Variants in PLCL2 observed in about 807,000 individuals in gnomAD.
PLCL2 encodes phospholipase C like 2.
Under a neutral mutation model 79.6 loss-of-function variants are expected in PLCL2, and 4 were observed. The observed-to-expected ratio is 0.05, with a 90% CI of 0.02 to 0.11. PLCL2 has a LOEUF of 0.11. PLCL2 is among the 10% of genes least tolerant of loss of function. The probability of loss-of-function intolerance (pLI) is 1.00; values close to 1 mark genes in which losing one functional copy is unlikely to be tolerated. For synonymous variants in PLCL2, 484 were observed against 457.7 expected, an observed-to-expected ratio of 1.06 and a Z score of -0.73; for missense variants, 895 against 1,291.0, an observed-to-expected ratio of 0.69 and a Z score of 4.70.
chr3:16,994,707 G>A (rs1434367668), intron 1 of PLCL2, among the ~76,000 whole-genome samples: 2 of 152,122 alleles, frequency 1.3e-5, no homozygotes, highest in South Asian at 2.1e-4. Flanking sequence ...TGCTCTTTGA[G>A]TTCATTCATT....
rs532283730 is a variant in PLCL2 at position 17,000,024 on chromosome 3, A to G, written c.328-9650A>G. Among the ~76,000 whole-genome samples the G allele has an allele frequency of 2.0e-5, 3 of 152,258 alleles. No individual in the cohort carries two copies. In the South Asian group the frequency reaches 6.2e-4, roughly 32 times the overall value. On this transcript the variant is annotated intron_variant, in intron 1 of 5. Coordinates refer to ENST00000615277, the MANE Select transcript of PLCL2 (RefSeq NM_001144382.2). ...ATAAGGCCATGATTCTAAACTTCTT[A>G]GAGGAAGGGAGGTGAGTTTGCAGAT... is the stretch of plus-strand genomic sequence containing the variant.
chr3:16,989,981 T>A (rs977317820), intron 1 of PLCL2, among the ~76,000 whole-genome samples: 5 of 152,206 alleles, frequency 3.3e-5, no homozygotes, highest in African/African-American at 4.8e-5. Flanking sequence ...TAATAATGAT[T>A]GCCTGAAGCA....
At chr3:17,046,970 T>A (rs976667862) in intron 4 of PLCL2, among the ~76,000 whole-genome samples, 1 of 152,120 alleles carries the variant, frequency 6.6e-6, no homozygotes, top group Non-Finnish European at 1.5e-5. Flanking sequence ...ATTCTCCATA[T>A]GGGGAATTTA....
chr3:16,944,386 G>A (rs904081297), intron 1 of PLCL2, among the ~76,000 whole-genome samples: 6 of 152,118 alleles, frequency 3.9e-5, no homozygotes, highest in Admixed American at 1.3e-4. Flanking sequence ...TGGAGTCATC[G>A]TTGACACCTG....
At chr3:16,939,967 G>A (rs1575540929) in intron 1 of PLCL2, among the ~76,000 whole-genome samples, 2 of 152,150 alleles carry the variant, frequency 1.3e-5, no homozygotes, top group East Asian at 3.9e-4. Context: ...GTCTAAAGAA[G>A]AAGAGTCATA....
At chr3:16,963,384 G>C (rs1325791544) in intron 1 of PLCL2, among the ~76,000 whole-genome samples, 1 of 152,054 alleles carries the variant, frequency 6.6e-6, no homozygotes, top group East Asian at 1.9e-4. Flanking sequence ...AAATTAGCTT[G>C]AGAAGCTATT....
At chr3:16,983,034 T>C (rs576572178) in intron 1 of PLCL2, among the ~76,000 whole-genome samples, 12 of 152,344 alleles carry the variant, frequency 7.9e-5, no homozygotes, top group African/African-American at 2.2e-4. Flanking sequence ...GTCTTTAAGT[T>C]TTTATATTAA....
intron 1 of PLCL2, among the ~76,000 whole-genome samples, chr3:16,999,165 T>C (rs1220427061): frequency 4.6e-5 from 7 of 151,644 alleles, no homozygotes; most frequent in Non-Finnish European, 8.8e-5. Flanking sequence ...TGAGAAATGG[T>C]TTTTTTTCCC....
chr3:16,917,481 C>T (rs1029088168), intron 1 of PLCL2, among the ~76,000 whole-genome samples: 4 of 152,164 alleles, frequency 2.6e-5, no homozygotes, highest in Non-Finnish European at 5.9e-5. Flanking sequence ...ATGTCTGGGG[C>T]TTCAACTAGC....
chr3:16,901,447 C>A (rs1452932543), intron 1 of PLCL2, among the ~76,000 whole-genome samples: 2 of 152,220 alleles, frequency 1.3e-5, no homozygotes, highest in African/African-American at 4.8e-5. Flanking sequence ...GCAGTGCCCA[C>A]ACAAATGGGC....
intron 1 of PLCL2, among the ~76,000 whole-genome samples, chr3:17,007,491 C>T (rs1285348247): frequency 2.6e-5 from 4 of 152,000 alleles, no homozygotes; most frequent in Non-Finnish European, 5.9e-5. Context: ...ATGTATTTTG[C>T]ACTTTATTGT....
intron 4 of PLCL2, among the ~76,000 whole-genome samples, chr3:17,058,963 G>T (rs1020929362): frequency 6.6e-6 from 1 of 152,054 alleles, no homozygotes; most frequent in Non-Finnish European, 1.5e-5. Context: ...GGGAGGGAGG[G>T]CATGTAAATT....
chr3:17,083,252 A>G (rs931346049), intron 5 of PLCL2, among the ~76,000 whole-genome samples: 1 of 152,226 alleles, frequency 6.6e-6, no homozygotes, highest in East Asian at 1.9e-4. Flanking sequence ...TGAAGAGGGC[A>G]TCAGAGTCAA....
intron 5 of PLCL2, among the ~76,000 whole-genome samples, chr3:17,089,291 TTGGGG>T (rs1483600567): frequency 2.0e-5 from 3 of 152,212 alleles, no homozygotes; most frequent in Non-Finnish European, 4.4e-5. Flanking sequence ...GACATAACCA[TTGGGG>T]GAAATTTGGG....
rs376738003 is a variant in PLCL2 at position 17,085,651 on chromosome 3, A to G, written c.3205-4082A>G. Among the ~76,000 whole-genome samples the G allele has an allele frequency of 4.5e-4, 68 of 150,100 alleles. No individual in the cohort carries two copies. In the South Asian group the frequency reaches 7.8e-3, roughly 17 times the overall value. On this transcript the variant is annotated intron_variant, in intron 5 of 5. Coordinates refer to ENST00000615277, the MANE Select transcript of PLCL2 (RefSeq NM_001144382.2). Reference sequence around the variant, plus strand: ...TTTTTAGTAGAGACGGGGTTTCACCATGTTAGCCAGGATGGTCTCGATCTC... The same window carrying G: ...TTTTTAGTAGAGACGGGGTTTCACCGTGTTAGCCAGGATGGTCTCGATCTC...
At chr3:16,952,718 GTGA>G (rs1208279749) in intron 1 of PLCL2, among the ~76,000 whole-genome samples, 1 of 151,966 alleles carries the variant, frequency 6.6e-6, no homozygotes, top group East Asian at 1.9e-4. Flanking sequence ...TATTTCTTGA[GTGA>G]TGATATAATT....
At chr3:16,974,387 G>C (rs2063902939) in intron 1 of PLCL2, among the ~76,000 whole-genome samples, 1 of 152,130 alleles carries the variant, frequency 6.6e-6, no homozygotes, top group Non-Finnish European at 1.5e-5. Context: ...AAGTGGATGG[G>C]TTTCAGCGGG....
intron 1 of PLCL2, among the ~76,000 whole-genome samples, chr3:16,926,691 G>C (rs945132462): frequency 2.6e-5 from 4 of 151,718 alleles, no homozygotes; most frequent in Non-Finnish European, 5.9e-5. Flanking sequence ...GAGTGCAGTG[G>C]TGCAATCTTG....
chr3:17,066,004 C>T (rs1322776112), intron 4 of PLCL2, among the ~76,000 whole-genome samples: 1 of 152,108 alleles, frequency 6.6e-6, no homozygotes, highest in African/African-American at 2.4e-5. Flanking sequence ...TGCTGAAGTC[C>T]AGTATTAAAA....
Sources: allele counts gnomAD v4.1 joint callset (sites outside exome capture counted in the v4.1 genomes callset), GRCh38; gene constraint gnomAD v4.1.1; transcripts MANE v1.5; gene names NCBI Gene and HGNC (gene_info 2026-07-23, HGNC 2026-07-21).